The following DNAH7 variants were observed in gnomAD, a reference collection of about 807,000 sequenced individuals.
DNAH7 encodes the protein dynein axonemal heavy chain 7, also known as axonemal beta dynein heavy chain 7.
DNAH7 carries 397 observed loss-of-function variants against 444.6 expected under a neutral mutation model. The ratio of observed to expected loss-of-function variants is 0.89; its 90% CI spans 0.82 to 0.97. The LOEUF (loss-of-function observed/expected upper bound fraction) is 0.97, where lower values mean the gene tolerates loss of function less well. Among genes scored for constraint, DNAH7 ranks in the 50% least tolerant of loss-of-function variants. The pLI is 0.00. For synonymous variants in DNAH7, 1,636 were observed against 1,624.4 expected, an observed-to-expected ratio of 1.01 and a Z score of -0.17; for missense variants, 4,902 against 4,800.8, an observed-to-expected ratio of 1.02 and a Z score of -0.62.
At chr2:196,009,798 TCAAA>T (rs564187056) in intron 10 of DNAH7, among the ~76,000 whole-genome samples, 6 of 152,140 alleles carry the variant, frequency 3.9e-5, no homozygotes, top group African/African-American at 1.4e-4. Context: ...CATAGAGAAC[TCAAA>T]CAACTCAACA....
chr2:195,961,295 T>C (rs185388224), intron 17 of DNAH7, among the ~76,000 whole-genome samples: 19 of 152,296 alleles, frequency 1.2e-4, no homozygotes, highest in Admixed American at 4.6e-4. Flanking sequence ...ATACAATACA[T>C]TGCTATTAGC....
intron 52 of DNAH7, among the ~76,000 whole-genome samples, chr2:195,809,154 G>A (rs944920771): frequency 2.0e-5 from 3 of 152,032 alleles, no homozygotes; most frequent in African/African-American, 7.2e-5. Context: ...TGTTCTATTC[G>A]AATACGTGTT....
At chr2:196,046,704 A>G (rs1005439868) in intron 5 of DNAH7, among the ~76,000 whole-genome samples, 3 of 152,156 alleles carry the variant, frequency 2.0e-5, no homozygotes, top group African/African-American at 7.2e-5. Context: ...CAAGATGACC[A>G]TCTAGCCAGT....
intron 61 of DNAH7, among the ~76,000 whole-genome samples, chr2:195,769,292 G>C (rs924231116): frequency 6.7e-6 from 1 of 150,232 alleles, no homozygotes; most frequent in African/African-American, 2.5e-5. Context: ...CGAATTCCTG[G>C]GCTCAAACAA....
chr2:196,019,177 T>C lies in DNAH7; in HGVS notation c.862A>G (p.Asn288Asp). Residue 288 changes from asparagine to aspartate, a missense_variant, in exon 9 of 65, where the codon AAT becomes GAT. Transcript: ENST00000312428. ...MLAVLDLWHT[N>D]FKKLRLVDIK... Reference sequence around the variant, plus strand: ...AAGGCCACATATACTCACTTAAAATTAGTGTGCCACAAATCTAGTACAGCC... The same window carrying C: ...AAGGCCACATATACTCACTTAAAATCAGTGTGCCACAAATCTAGTACAGCC... The C allele has an allele frequency of 6.7e-7, 1 of 1,482,224 alleles. No individual in the cohort carries two copies. The allele number at this position is 1,482,224 out of a possible 1,614,324, so 91.8% of individuals were successfully genotyped here.
chr2:195,848,527 G>C (rs1360946213), intron 46 of DNAH7, among the ~76,000 whole-genome samples: 1 of 152,222 alleles, frequency 6.6e-6, no homozygotes, highest in East Asian at 1.9e-4. Flanking sequence ...GCTTATGTGT[G>C]ATTATAGATT....
chr2:195,817,829 C>T lies in DNAH7; in HGVS notation c.9292G>A (p.Val3098Ile), dbSNP rs764112109. The T allele has an allele frequency of 4.5e-6, 7 of 1,564,540 alleles. No homozygotes were observed. Among genetic ancestry groups the T allele is most frequent in the Non-Finnish European group, 6.0e-6 (7 of 1,160,172 alleles). The change falls in exon 50 of 65, where the codon GTA (valine) becomes ATA (isoleucine). Residue 3098 changes from valine (V) to isoleucine (I), a missense_variant and splice_region_variant. Val to Ile is a conservative substitution (Grantham distance 29). Transcript: ENST00000312428. ...GTTATCATGAAGTTTAATAATGTTA[C>T]CTATAAATGAAAAAATATACAAAAA... ...PHYLPETSVKVTLLNFMITPE... is the reference protein window; with the variant it reads ...PHYLPETSVKITLLNFMITPE...
Position 195,808,892 on chromosome 2 carries a change from C to T in DNAH7, c.9889-16G>A. 6.2e-7 allele frequency: 1 copy of T among 1,608,328 alleles called. No homozygotes were observed. The highest frequency in any genetic ancestry group is 8.5e-7 in the Non-Finnish European group (1 of 1,177,342). On this transcript the variant is annotated splice_polypyrimidine_tract_variant and intron_variant, in intron 52 of 64. Transcript: ENST00000312428. ...CTTTATTAATCTTTGGAAAACAAGGCAGCGTGAAGAGTCAGAAACGAGTTC... is the reference window on the plus strand; with the variant it reads ...CTTTATTAATCTTTGGAAAACAAGGTAGCGTGAAGAGTCAGAAACGAGTTC...
intron 61 of DNAH7, 41 bp downstream of exon 61, chr2:195,771,619 T>C (rs749010468): frequency 2.1e-6 from 3 of 1,420,968 alleles, no homozygotes; most frequent in Non-Finnish European, 3.0e-6. Flanking sequence ...GAATGCTATA[T>C]ATAATTTAAT....
In DNAH7 at chr2:196,039,895, A is replaced by G. The variant is rs553920340; in HGVS notation, c.398+7457T>C. Among the ~76,000 whole-genome samples, 13 of 152,222 alleles carry G rather than the reference A, an allele frequency of 8.5e-5. No homozygotes were observed. The South Asian group carries it at 2.7e-3, about 32-fold the overall frequency. On this transcript the variant is annotated intron_variant, in intron 5 of 64. Transcript: ENST00000312428. ...GACTAAGAAAAAATCATTAAAGACT[A>G]TTATGATCAACAACTACACAACAAT...
intron 10 of DNAH7, 110 bp from the exon 11 acceptor site, chr2:196,001,968 T>C (rs1350397629): frequency 2.5e-6 from 2 of 789,120 alleles, no homozygotes; most frequent in Non-Finnish European, 3.8e-6. Context: ...TAGAGAAGTA[T>C]ATTGCTAAAT....
rs1237272875 is a variant in DNAH7 at position 195,754,490 on chromosome 2, G to A, written c.11611C>T (p.Pro3871Ser). The change falls in exon 63 of 65, where the codon CCA becomes TCA. Residue 3871 changes from proline (P) to serine (S), a missense_variant. Physicochemically the swap from Pro to Ser is moderately conservative, Grantham distance 74. Coordinates refer to ENST00000312428, the MANE Select transcript of DNAH7 (RefSeq NM_018897.3). ...LQQWYEVGPPPVFWLSGFFFT... is the reference protein window; with the variant it reads ...LQQWYEVGPPSVFWLSGFFFT... Reference sequence around the variant, plus strand: ...AAGAAGCCAGAAAGCCAGAAGACTGGAGGAGGACCAACCTCATACCATTGC... The same window carrying A: ...AAGAAGCCAGAAAGCCAGAAGACTGAAGGAGGACCAACCTCATACCATTGC... The A allele has an allele frequency of 1.9e-6, 3 of 1,614,052 alleles. No homozygotes were observed. The highest frequency in any genetic ancestry group is 4.5e-5 in the East Asian group (2 of 44,874).
intron 36 of DNAH7, among the ~76,000 whole-genome samples, chr2:195,879,778 G>A (rs886837404): frequency 6.6e-6 from 1 of 152,020 alleles, no homozygotes; most frequent in Admixed American, 6.6e-5. Context: ...ATACTCATTT[G>A]CCAATAGAGC....
intron 58 of DNAH7, among the ~76,000 whole-genome samples, chr2:195,779,217 C>A (rs562866192): frequency 6.6e-6 from 1 of 152,270 alleles, no homozygotes; most frequent in South Asian, 2.1e-4. Flanking sequence ...TTTGAAAATA[C>A]TATTTTAATA....
At chr2:196,068,147 T>G (rs1698529941) in intron 1 of DNAH7, among the ~76,000 whole-genome samples, 1 of 152,238 alleles carries the variant, frequency 6.6e-6, no homozygotes, top group South Asian at 2.1e-4. Context: ...CATATGTCAC[T>G]TACCAAGGCC....
chr2:195,865,084 T>A, intron 40 of DNAH7, 63 bp from the exon 41 acceptor site: 1 of 1,469,186 alleles, frequency 6.8e-7, no homozygotes, highest in Non-Finnish European at 9.0e-7. Flanking sequence ...AGTGTTATTA[T>A]ATCTGTGCTA....
At chr2:195,783,957 C>T (rs1262093162) in intron 58 of DNAH7, among the ~76,000 whole-genome samples, 5 of 151,830 alleles carry the variant, frequency 3.3e-5, no homozygotes, top group African/African-American at 7.3e-5. Flanking sequence ...GTTTTAGGTT[C>T]ACAACAAAAC....
At chr2:195,798,537 A>ATTTTTT (rs754058331) in intron 55 of DNAH7, among the ~76,000 whole-genome samples, 20 of 107,462 alleles carry the variant, frequency 1.9e-4, no homozygotes, top group South Asian at 3.0e-4. Flanking sequence ...AAATAGTAGA[A>ATTTTTT]TTTTTTTTTT....
intron 51 of DNAH7, among the ~76,000 whole-genome samples, chr2:195,814,639 T>C (rs999130837): frequency 4.6e-5 from 7 of 152,236 alleles, no homozygotes; most frequent in East Asian, 3.8e-4. Context: ...CTAGTGGTTA[T>C]TGTTATAAGC....
Sources: gnomAD v4.1 joint callset for allele counts (sites outside exome capture counted in the v4.1 genomes callset) on GRCh38, gnomAD v4.1.1 for gene constraint, MANE v1.5 for transcripts, NCBI Gene and HGNC (gene_info 2026-07-23, HGNC 2026-07-21) for gene names.